Variants in ELAVL3 observed in about 807,000 individuals in gnomAD.
The protein encoded by ELAVL3 is ELAV like RNA binding protein 3, also known as ELAV-like protein 3.
A neutral mutation model predicts 34.2 loss-of-function variants in ELAVL3; 8 were observed. The observed-to-expected ratio is 0.23, with a 90% CI of 0.14 to 0.42. The LOEUF is 0.42. Ranked by LOEUF, ELAVL3 falls within the 10% of genes least tolerant of loss-of-function variation. The pLI, the probability that ELAVL3 is intolerant of heterozygous loss-of-function variation, is 1.00. For synonymous variants in ELAVL3, 209 were observed against 222.1 expected (o/e 0.94, Z 0.53); for missense variants, 273 against 518.8 (o/e 0.53, Z 4.60).
chr19:11,464,725 TC>T (rs1970981954), intron 3 of ELAVL3, among the ~76,000 whole-genome samples: 2 of 42,994 alleles, frequency 4.7e-5, no homozygotes, highest in Admixed American at 2.7e-4. Flanking sequence ...CACACACACA[TC>T]ACACACACAC....
intron 1 of ELAVL3, among the ~76,000 whole-genome samples, chr19:11,473,865 A>G (rs1448608431): frequency 1.3e-5 from 2 of 152,062 alleles, no homozygotes; most frequent in African/African-American, 4.8e-5. Context: ...CCTCTGCTCC[A>G]TTTTGCTGCA....
chr19:11,472,643 G>A (rs546032107), intron 1 of ELAVL3, among the ~76,000 whole-genome samples: 26 of 152,114 alleles, frequency 1.7e-4, no homozygotes, highest in Non-Finnish European at 3.5e-4. Flanking sequence ...GGAGGTTGCA[G>A]TGAGCCATGA....
chr19:11,465,460 G>A (rs932187989), intron 3 of ELAVL3, among the ~76,000 whole-genome samples: 3 of 152,032 alleles, frequency 2.0e-5, no homozygotes, highest in South Asian at 4.1e-4. Context: ...TCTGGGTCTC[G>A]TTGGCCATGA....
In ELAVL3 at chr19:11,480,773, G is replaced by GTCCCT; in HGVS notation, c.-166_-165insAGGGA. On this transcript the variant is annotated 5_prime_UTR_variant, in exon 1 of 7. Coordinates refer to ENST00000359227, the MANE Select transcript of ELAVL3 (RefSeq NM_001420.4). This position sits in a 1 kb window ranked among gnomAD's most constrained non-coding sequence, Gnocchi z 6.8. ...GGCGGCTCCCTCGAGGGCCAGGGAC[G>GTCCCT]GGCCCGAACCCGGGGATGCGCGCGC... The GTCCCT allele has an allele frequency of 1.7e-6, 1 of 577,254 alleles. No individual in the cohort carries two copies. The highest frequency in any genetic ancestry group is 2.6e-6 in the Non-Finnish European group (1 of 383,456). 35.8% of individuals were successfully genotyped at this position (577,254 alleles called of 1,614,324 possible). A position where few individuals can be genotyped will look rare whatever the true frequency, so the allele number is the denominator to read the frequency against.
chr19:11,455,395 G>A (rs1454021265), intron 6 of ELAVL3, among the ~76,000 whole-genome samples: 1 of 151,496 alleles, frequency 6.6e-6, no homozygotes, highest in Non-Finnish European at 1.5e-5. Flanking sequence ...CTGCCTCCTA[G>A]GTTCAAGCGA....
chr19:11,454,679 A>G lies in ELAVL3; in HGVS notation c.951T>C (p.Arg317=), dbSNP rs1372005882. 6.2e-7 allele frequency: 1 copy of G among 1,614,194 alleles called. No individual in the cohort carries two copies. The highest frequency in any genetic ancestry group is 1.7e-5 in the Admixed American group (1 of 60,032). Residue 317 remains arginine (R), a synonymous_variant, in exon 7 of 7, where the codon CGT becomes CGC. Transcript: ENST00000359227. The surrounding 1 kb of genome is among the most constrained non-coding windows in gnomAD (Gnocchi z 9.2). ...CCTTGCACTTGTTGGTGGTGAAATC[A>G]CGGATGACCTTGACGTTGGTGACTG... The part of the protein sequence containing the change: ...FGAVTNVKVI[R]DFTTNKCKGF...
Position 11,454,844 on chromosome 19 carries a change from G to C in ELAVL3, c.786C>G (p.Ile262Met), listed in dbSNP as rs367695200. 3 of 1,605,230 alleles carry C rather than the reference G, an allele frequency of 1.9e-6. No individual in the cohort carries two copies. The South Asian group carries it at 3.3e-5, about 18-fold the overall frequency. The change falls in exon 7 of 7, where the codon ATC (isoleucine) becomes ATG (methionine). Residue 262 changes from isoleucine to methionine, a missense_variant. Around this residue, in one of 4 missense-constraint regions of ELAVL3, gnomAD observed 79 missense variants for 108.2 expected, o/e 0.73. Transcript: ENST00000359227. This position sits in a 1 kb window ranked among gnomAD's most constrained non-coding sequence, Gnocchi z 9.2. The stretch of plus-strand genomic sequence containing the variant: ...CCAGGCCGCTCATACCATCGATGGC[G>C]ATCGGCGAGAACCTGGCGATGAGCG... ...PLSLIARFSP[I>M]AIDGMSGLAG...
chr19:11,478,740 C>T (rs377341813), intron 1 of ELAVL3, among the ~76,000 whole-genome samples: 11 of 152,102 alleles, frequency 7.2e-5, no homozygotes, highest in Non-Finnish European at 1.2e-4. Context: ...ATACATCTGA[C>T]GTATGGGTTT....
intron 1 of ELAVL3, among the ~76,000 whole-genome samples, chr19:11,470,582 C>T (rs897032296): frequency 6.6e-6 from 1 of 151,582 alleles, no homozygotes; most frequent in Non-Finnish European, 1.5e-5. Flanking sequence ...GAGGCTGAGG[C>T]AGGAGAATCG....
chr19:11,460,234 T>G (rs930080072), intron 3 of ELAVL3, among the ~76,000 whole-genome samples: 5 of 152,070 alleles, frequency 3.3e-5, no homozygotes, highest in Non-Finnish European at 5.9e-5. Context: ...ACCTTCCTCC[T>G]TATCCAGAAT....
Position 11,458,322 on chromosome 19 carries a change from T to G in ELAVL3, c.488-36A>C, listed in dbSNP as rs755495003. 6.2e-7 allele frequency: 1 copy of G among 1,609,998 alleles called. No homozygotes were observed. The highest frequency in any genetic ancestry group is 2.2e-5 in the East Asian group (1 of 44,806). Reference sequence around the variant, plus strand: ...GCAGGGATGTCCATCACGACGACCCTGTCCCCTCCTGTGTAACCCCACTTC... The same window carrying G: ...GCAGGGATGTCCATCACGACGACCCGGTCCCCTCCTGTGTAACCCCACTTC... On this transcript the variant is annotated intron_variant, in intron 4 of 6. Coordinates refer to ENST00000359227, the MANE Select transcript of ELAVL3 (RefSeq NM_001420.4). This position sits in a 1 kb window ranked among gnomAD's most constrained non-coding sequence, Gnocchi z 7.3.
chr19:11,480,520 C>A lies in ELAVL3; in HGVS notation c.9+80G>T, dbSNP rs925088801. On this transcript the variant is annotated intron_variant, in intron 1 of 6. Transcript: ENST00000359227. This position sits in a 1 kb window ranked among gnomAD's most constrained non-coding sequence, Gnocchi z 6.8. ...CTAGGCCTGGTCCTACCCCCCCCGCCGCACCCGCCCAATCTCCGCGGAGCC... is the reference window on the plus strand; with the variant it reads ...CTAGGCCTGGTCCTACCCCCCCCGCAGCACCCGCCCAATCTCCGCGGAGCC... 1 of 1,426,478 alleles carries A rather than the reference C, an allele frequency of 7.0e-7. No homozygotes were observed. The highest frequency in any genetic ancestry group is 1.6e-5 in the South Asian group (1 of 63,892). The allele number at this position is 1,426,478 out of a possible 1,614,324, so 88.4% of individuals were successfully genotyped here.
In ELAVL3 at chr19:11,458,327, C is replaced by G. The variant is rs756594027; in HGVS notation, c.488-41G>C. 1.9e-5 allele frequency: 31 copies of G among 1,609,602 alleles called. No homozygotes were observed. The highest frequency in any genetic ancestry group is 2.4e-5 in the Non-Finnish European group (28 of 1,177,680). ...GATGTCCATCACGACGACCCTGTCCCCTCCTGTGTAACCCCACTTCTCCCT... is the reference window on the plus strand; with the variant it reads ...GATGTCCATCACGACGACCCTGTCCGCTCCTGTGTAACCCCACTTCTCCCT... On this transcript the variant is annotated intron_variant, in intron 4 of 6. Coordinates refer to ENST00000359227, the MANE Select transcript of ELAVL3 (RefSeq NM_001420.4). This position sits in a 1 kb window ranked among gnomAD's most constrained non-coding sequence, Gnocchi z 7.3.
Position 11,452,619 on chromosome 19 carries a change from T to G in ELAVL3, c.*1907A>C, listed in dbSNP as rs1395136385. ...CCTTGCAGCAGAAGCTCCACAGACGTTTAATAACAACACCGGGAGGGGTGG... is the reference window on the plus strand; with the variant it reads ...CCTTGCAGCAGAAGCTCCACAGACGGTTAATAACAACACCGGGAGGGGTGG... On this transcript the variant is annotated 3_prime_UTR_variant, in exon 7 of 7. Coordinates refer to ENST00000359227, the MANE Select transcript of ELAVL3 (RefSeq NM_001420.4). 1 of 151,590 alleles carries G rather than the reference T, an allele frequency of 6.6e-6. No individual in the cohort carries two copies. Among genetic ancestry groups the G allele is most frequent in the Admixed American group, 6.6e-5 (1 of 15,190 alleles). The allele number at this position is 151,590 out of a possible 1,614,324, so 9.4% of individuals were successfully genotyped here. A position where few individuals can be genotyped will look rare whatever the true frequency, so the allele number is the denominator to read the frequency against.
At position 11,464,123 on chromosome 19, in the gene ELAVL3, GTCTCTCTCTC is replaced by G. The variant is rs1165917141; in HGVS notation, c.333+2039_333+2048del. On this transcript the variant is annotated intron_variant, in intron 3 of 6. Coordinates refer to ENST00000359227, the MANE Select transcript of ELAVL3 (RefSeq NM_001420.4). ...CCTCTCTCTCTCTCTGTCTCTCTCT[GTCTCTCTCTC>G]TCTCTCTCTCTCTCTCTCTATATAT... Among the ~76,000 whole-genome samples, 30 of 110,956 alleles carry G rather than the reference GTCTCTCTCTC, an allele frequency of 2.7e-4. 1 individual carries two copies. Among genetic ancestry groups the G allele is most frequent in the African/African-American group, 5.2e-4 (13 of 24,936 alleles). 72.8% of individuals were successfully genotyped at this position (110,956 alleles called of 152,430 possible).
At chr19:11,469,198 AATTACAGGCGTGAGCCACCGCACAC>A (rs1360889656) in intron 1 of ELAVL3, among the ~76,000 whole-genome samples, 1 of 152,034 alleles carries the variant, frequency 6.6e-6, no homozygotes, top group Non-Finnish European at 1.5e-5. Context: ...ATAGTGTTGG[AATTACAGGCGTGAGCCACCGCACAC>A]AGCCCATTTT....
At chr19:11,479,535 G>A (rs1248375899) in intron 1 of ELAVL3, among the ~76,000 whole-genome samples, 1 of 151,900 alleles carries the variant, frequency 6.6e-6, no homozygotes, top group Non-Finnish European at 1.5e-5. Flanking sequence ...TCGCGCGGCA[G>A]GGGCGGGGGT....
At position 11,458,292 on chromosome 19, in the gene ELAVL3, AG is replaced by A. The variant is rs767988295; in HGVS notation, c.488-7del. 6.2e-7 allele frequency: 1 copy of A among 1,613,108 alleles called. No individual in the cohort carries two copies. Among genetic ancestry groups the A allele is most frequent in the South Asian group, 1.1e-5 (1 of 91,064 alleles). On this transcript the variant is annotated splice_region_variant and splice_polypyrimidine_tract_variant and intron_variant, in intron 4 of 6. Transcript: ENST00000359227. This position sits in a 1 kb window ranked among gnomAD's most constrained non-coding sequence, Gnocchi z 7.3. ...TCCCACACCCCGAGAGACACCTGCC[AG>A]GGGGCAGGGATGTCCATCACGACGA...
chr19:11,464,123 G>GTCTCTCTCTCTCTCTCTCTCTCTCTCTC (rs1165917141), intron 3 of ELAVL3, among the ~76,000 whole-genome samples: 6 of 110,956 alleles, frequency 5.4e-5, no homozygotes, highest in African/African-American at 2.4e-4. Flanking sequence ...GTCTCTCTCT[G>GTCTCTCTCTCTCTCTCTCTCTCTCTCTC]TCTCTCTCTC....
Sources: gnomAD v4.1 joint callset for allele counts (sites outside exome capture counted in the v4.1 genomes callset) on GRCh38, gnomAD v4.1.1 for gene constraint, gnomAD v4.1.1 regional missense constraint, Gnocchi (gnomAD v3.1) non-coding constraint, MANE v1.5 for transcripts, NCBI Gene and HGNC (gene_info 2026-07-23, HGNC 2026-07-21) for gene names.